MAN2A1: variants seen among roughly 807,000 people sequenced by gnomAD.
MAN2A1 encodes the protein mannosidase alpha class 2A member 1.
In MAN2A1, 76 loss-of-function variants were observed where a neutral mutation model predicts 142.6. That is an observed-to-expected ratio of 0.53 (90% confidence interval 0.44 to 0.65). The LOEUF (loss-of-function observed/expected upper bound fraction) is 0.65. Among genes scored for constraint, MAN2A1 ranks in the 30% least tolerant of loss-of-function variants. MAN2A1 has a pLI of 0.00. For missense variants in MAN2A1, 1,311 were observed against 1,365.1 expected, an observed-to-expected ratio of 0.96 and a Z score of 0.62; for synonymous variants, 559 against 473.2, an observed-to-expected ratio of 1.18 and a Z score of -2.35.
chr5:109,858,062 G>A (rs1335227842), intron 20 of MAN2A1, among the ~76,000 whole-genome samples: 2 of 152,192 alleles, frequency 1.3e-5, no homozygotes, highest in Admixed American at 6.5e-5. Context: ...TTGCAGATTA[G>A]GGTTTTAGCA....
At chr5:109,837,364 T>G (rs1755085092) in intron 16 of MAN2A1, among the ~76,000 whole-genome samples, 1 of 151,944 alleles carries the variant, frequency 6.6e-6, no homozygotes, top group African/African-American at 2.4e-5. Context: ...CAGATTTCAG[T>G]TCAGTGCCCT....
At chr5:109,724,580 G>C (rs1751692121) in intron 3 of MAN2A1, among the ~76,000 whole-genome samples, 2 of 151,934 alleles carry the variant, frequency 1.3e-5, no homozygotes, top group South Asian at 4.2e-4. Flanking sequence ...TATTTATCTG[G>C]ATATAATTAT....
chr5:109,819,088 C>T (rs1009787272), intron 13 of MAN2A1, among the ~76,000 whole-genome samples: 59 of 152,232 alleles, frequency 3.9e-4, no homozygotes, highest in African/African-American at 1.3e-3. Flanking sequence ...TTCAAGTACC[C>T]ATACAACTAT....
At chr5:109,736,229 A>C (rs1752094304) in intron 4 of MAN2A1, among the ~76,000 whole-genome samples, 1 of 152,346 alleles carries the variant, frequency 6.6e-6, no homozygotes, top group East Asian at 1.9e-4. Context: ...AGTGCTAAAC[A>C]GATCACATCA....
At chr5:109,835,462 T>C (rs1043758143) in intron 16 of MAN2A1, among the ~76,000 whole-genome samples, 1 of 152,202 alleles carries the variant, frequency 6.6e-6, no homozygotes, top group Non-Finnish European at 1.5e-5. Context: ...GTTTTGGAGA[T>C]TTATTTTATG....
intron 16 of MAN2A1, among the ~76,000 whole-genome samples, chr5:109,830,727 G>C (rs1234729549): frequency 1.3e-5 from 2 of 152,108 alleles, no homozygotes; most frequent in African/African-American, 4.8e-5. Flanking sequence ...AACATTTTTG[G>C]AATATCATAA....
rs879862344 is a variant in MAN2A1 at position 109,751,206 on chromosome 5, C to CT, written c.708-4110dup. On this transcript the variant is annotated intron_variant, in intron 4 of 21. Coordinates refer to ENST00000261483, the MANE Select transcript of MAN2A1 (RefSeq NM_002372.4). ...CTACTCTCCACTTCTGTGAGATCAA[C>CT]TTTTTTTTTTTTTAGCTCCCAAATA... Among the ~76,000 whole-genome samples, 727 of 145,812 alleles carry CT rather than the reference C, an allele frequency of 5.0e-3. 2 individuals are homozygous for CT. The highest frequency in any genetic ancestry group is 7.4e-3 in the South Asian group (34 of 4,606).
chr5:109,739,293 T>C (rs1438383004), intron 4 of MAN2A1, among the ~76,000 whole-genome samples: 1 of 152,242 alleles, frequency 6.6e-6, no homozygotes. Flanking sequence ...ATCTAGGTAG[T>C]ATAACTTTTC....
chr5:109,695,588 T>G (rs1015904185), intron 1 of MAN2A1, among the ~76,000 whole-genome samples: 28 of 152,218 alleles, frequency 1.8e-4, no homozygotes, highest in Non-Finnish European at 4.1e-4. Flanking sequence ...CTCCAACTTC[T>G]GTAATCTTTA....
intron 8 of MAN2A1, among the ~76,000 whole-genome samples, chr5:109,776,543 G>T (rs1753297970): frequency 1.3e-5 from 2 of 152,026 alleles, no homozygotes; most frequent in Non-Finnish European, 2.9e-5. Flanking sequence ...GAAAAAATTA[G>T]ACCCTGATTT....
intron 16 of MAN2A1, among the ~76,000 whole-genome samples, chr5:109,837,955 A>G (rs1293942939): frequency 1.3e-5 from 2 of 152,058 alleles, no homozygotes; most frequent in East Asian, 3.9e-4. Flanking sequence ...TCTAACAGTG[A>G]TTCAGTACTT....
intron 19 of MAN2A1, among the ~76,000 whole-genome samples, chr5:109,851,288 T>C (rs952599568): frequency 1.3e-5 from 2 of 152,192 alleles, no homozygotes; most frequent in African/African-American, 4.8e-5. Context: ...TCAAAGCCAA[T>C]AGAAATGGAA....
chr5:109,852,171 T>C (rs1172159563), intron 19 of MAN2A1, among the ~76,000 whole-genome samples: 3 of 151,528 alleles, frequency 2.0e-5, no homozygotes, highest in Admixed American at 2.0e-4. Flanking sequence ...TTTAATACCA[T>C]ACAGACCTAC....
chr5:109,828,987 C>A (rs1227552016), intron 16 of MAN2A1, among the ~76,000 whole-genome samples: 1 of 152,092 alleles, frequency 6.6e-6, no homozygotes, highest in Non-Finnish European at 1.5e-5. Context: ...AAATGAGCTT[C>A]ATCTAGTTAA....
At chr5:109,825,126 A>C (rs1276770062) in intron 16 of MAN2A1, among the ~76,000 whole-genome samples, 1 of 152,208 alleles carries the variant, frequency 6.6e-6, no homozygotes, top group African/African-American at 2.4e-5. Flanking sequence ...GAGTTTCTCA[A>C]AACTTCTGGT....
At chr5:109,838,753 G>T (rs1755121866) in intron 16 of MAN2A1, among the ~76,000 whole-genome samples, 1 of 152,108 alleles carries the variant, frequency 6.6e-6, no homozygotes, top group Admixed American at 6.5e-5. Context: ...AGTCTGTCCT[G>T]ATACAAACTT....
intron 20 of MAN2A1, among the ~76,000 whole-genome samples, chr5:109,856,275 C>T (rs1000567453): frequency 2.6e-5 from 4 of 152,198 alleles, no homozygotes; most frequent in Non-Finnish European, 2.9e-5. Context: ...CATGCTATAC[C>T]TGTCACTTGG....
intron 3 of MAN2A1, among the ~76,000 whole-genome samples, chr5:109,717,911 G>C (rs971830877): frequency 6.6e-6 from 1 of 152,174 alleles, no homozygotes; most frequent in Non-Finnish European, 1.5e-5. Flanking sequence ...TTTGCATTTA[G>C]GGGATGCATA....
chr5:109,822,424 A>G (rs903140853), intron 15 of MAN2A1, among the ~76,000 whole-genome samples: 10 of 152,096 alleles, frequency 6.6e-5, no homozygotes, highest in Non-Finnish European at 5.9e-5. Context: ...CTCTAATGTC[A>G]GATAGAAAGA....
Sources: gnomAD v4.1 joint callset for allele counts (sites outside exome capture counted in the v4.1 genomes callset) on GRCh38, gnomAD v4.1.1 for gene constraint, MANE v1.5 for transcripts, NCBI Gene and HGNC (gene_info 2026-07-23, HGNC 2026-07-21) for gene names.